PRSS22: variants seen among roughly 807,000 people sequenced by gnomAD.
The protein encoded by PRSS22 is brain-specific serine protease 4.
PRSS22 carries 26 observed loss-of-function variants against 28.0 expected under a neutral mutation model. That is an observed-to-expected ratio of 0.93 (90% confidence interval 0.68 to 1.29). The LOEUF (loss-of-function observed/expected upper bound fraction) is 1.29, where lower values mean the gene tolerates loss of function less well. PRSS22 is among the 50% of genes most tolerant of loss of function. PRSS22 has a pLI of 0.00. For synonymous variants in PRSS22, 217 were observed against 177.9 expected (o/e 1.22, Z -1.75); for missense variants, 444 against 422.1 (o/e 1.05, Z -0.46).
At chr16:2,856,480 G>A (rs1251003944) in intron 2 of PRSS22, among the ~76,000 whole-genome samples, 3 of 133,976 alleles carry the variant, frequency 2.2e-5, no homozygotes, top group Non-Finnish European at 4.8e-5. Context: ...CCACCTCCCC[G>A]TCCCATCCCT....
Position 2,856,218 on chromosome 16 carries a change from G to A in PRSS22, c.145C>T (p.Arg49Trp), listed in dbSNP as rs376369354. The change falls in exon 3 of 6, where the codon CGG (arginine) becomes TGG (tryptophan). Residue 49 changes from arginine (R) to tryptophan (W), a missense_variant. Physicochemically the swap from Arg to Trp is moderately radical, Grantham distance 101. Coordinates refer to ENST00000161006, the MANE Select transcript of PRSS22 (RefSeq NM_022119.4). ...GTGCTGTCCTCGCCGCCCACAACCC[G>A]GTTCAGCTGCTGGGGCTTCCCACAG... is the stretch of plus-strand genomic sequence containing the variant. Reference protein sequence around the residue: ...PACGKPQQLNRVVGGEDSTDS... With the variant: ...PACGKPQQLNWVVGGEDSTDS... The A allele has an allele frequency of 3.1e-5, 50 of 1,613,504 alleles. No homozygotes were observed. The highest frequency in any genetic ancestry group is 4.1e-5 in the Non-Finnish European group (48 of 1,179,922).
rs768202135 is a variant in PRSS22 at position 2,853,124 on chromosome 16, C to G, written c.923G>C (p.Ser308Thr). The G allele has an allele frequency of 6.3e-7, 1 of 1,595,854 alleles. No homozygotes were observed. Among genetic ancestry groups the G allele is most frequent in the South Asian group, 1.1e-5 (1 of 90,826 alleles). Residue 308 changes from serine (S) to threonine (T), a missense_variant, in exon 6 of 6, where the codon AGC becomes ACC. Transcript: ENST00000161006. This position sits in a 1 kb window ranked among gnomAD's most constrained non-coding sequence, Gnocchi z 4.6. ...GCGCGCGGCGGCCCCAGAGCCCTGG[C>G]TCGGTGCCCTGAGGGCCCCACCCCC... ...AQGGGALRAP[S>T]QGSGAAARS
At chr16:2,854,901 G>T (rs1465182108) in intron 4 of PRSS22, among the ~76,000 whole-genome samples, 2 of 151,974 alleles carry the variant, frequency 1.3e-5, no homozygotes, top group Non-Finnish European at 2.9e-5. Flanking sequence ...ACCACCAGGG[G>T]GTGCCTGTTC....
At position 2,856,182 on chromosome 16, in the gene PRSS22, A is replaced by C; in HGVS notation, c.181T>G (p.Trp61Gly). 1 of 1,613,592 alleles carries C rather than the reference A, an allele frequency of 6.2e-7. No homozygotes were observed. Among genetic ancestry groups the C allele is most frequent in the Non-Finnish European group, 8.5e-7 (1 of 1,179,908 alleles). The change falls in exon 3 of 6, where the codon TGG (tryptophan) becomes GGG (glycine). Residue 61 changes from tryptophan to glycine, a missense_variant. Coordinates refer to ENST00000161006, the MANE Select transcript of PRSS22 (RefSeq NM_022119.4). The stretch of plus-strand genomic sequence containing the variant: ...TTCTGGATGCTCACGATCCAGGGCC[A>C]CTCGCTGTCAGTGCTGTCCTCGCCG... The part of the protein sequence containing the change: ...VGGEDSTDSE[W>G]PWIVSIQKNG...
In PRSS22 at chr16:2,854,000, G is replaced by A; in HGVS notation, c.582C>T (p.Thr194=). 1.2e-6 allele frequency: 2 copies of A among 1,614,200 alleles called. No homozygotes were observed. The highest frequency in any genetic ancestry group is 1.7e-6 in the Non-Finnish European group (2 of 1,180,044). Residue 194 remains threonine (T), a synonymous_variant, in exon 5 of 6, where the codon ACC becomes ACT. Transcript: ENST00000161006. The surrounding 1 kb of genome is among the most constrained non-coding windows in gnomAD (Gnocchi z 4.6). ...TGATAGGAACCTTCAGCTTCTGCAG[G>A]GTCTGAGGGTGGGGCAAGGGAACTG... is the stretch of plus-strand genomic sequence containing the variant. ...QDGVPLPHPQ[T]LQKLKVPIID... is the part of the protein sequence containing the mutation.
intron 4 of PRSS22, chr16:2,854,283 G>A: frequency 4.6e-6 from 2 of 439,168 alleles, no homozygotes; most frequent in East Asian, 3.9e-5. Flanking sequence ...GATGGTTAGA[G>A]CCCTTCCTGT....
chr16:2,855,895 G>T, intron 3 of PRSS22, 44 bp from the exon 4 acceptor site: 1 of 1,586,824 alleles, frequency 6.3e-7, no homozygotes, highest in East Asian at 2.2e-5. Context: ...CCTGGTCTGG[G>T]AGGAGGTACC....
At chr16:2,856,394 T>C in intron 2 of PRSS22, 141 bp from the exon 3 acceptor site, 1 of 837,530 alleles carries the variant, frequency 1.2e-6, no homozygotes, top group Non-Finnish European at 1.9e-6. Flanking sequence ...ATCCCAAGTT[T>C]CACTTGCACT....
chr16:2,853,823 G>C lies in PRSS22; in HGVS notation c.717+42C>G. On this transcript the variant is annotated intron_variant, in intron 5 of 5. Transcript: ENST00000161006. This position sits in a 1 kb window ranked among gnomAD's most constrained non-coding sequence, Gnocchi z 4.6. ...ACAGGACTGACGCTGGCTCCTTCCC[G>C]AGGCCCTCCTGGCCAGGGGTGGGGG... 6.2e-7 allele frequency: 1 copy of C among 1,607,016 alleles called. No individual in the cohort carries two copies. The highest frequency in any genetic ancestry group is 2.2e-5 in the East Asian group (1 of 44,816).
intron 1 of PRSS22, 27 bp downstream of exon 1, chr16:2,857,996 G>A: frequency 1.6e-6 from 2 of 1,264,416 alleles, no homozygotes; most frequent in Non-Finnish European, 2.0e-6. Context: ...GTGAGAGGGA[G>A]GAGGGAGGAG....
rs2069453459 is a variant in PRSS22, at chr16:2,856,121, G to A, written c.242C>T (p.Thr81Ile). ...GTHHCAGSLL[T>I]SRWVITAAHC... ...GGCAGCAGTGATCACCCAGCGGCTGGTGAGCAGAGAACCTGCGCAGTGGTG... is the reference window on the plus strand; with the variant it reads ...GGCAGCAGTGATCACCCAGCGGCTGATGAGCAGAGAACCTGCGCAGTGGTG... The change falls in exon 3 of 6, where the codon ACC (threonine) becomes ATC (isoleucine). Residue 81 changes from threonine to isoleucine, a missense_variant. Physicochemically the swap from Thr to Ile is moderately conservative, Grantham distance 89. Transcript: ENST00000161006. The A allele has an allele frequency of 1.9e-6, 3 of 1,613,840 alleles. No homozygotes were observed. Among genetic ancestry groups the A allele is most frequent in the Non-Finnish European group, 1.7e-6 (2 of 1,179,962 alleles).
chr16:2,856,437 CA>C (rs376724365), intron 2 of PRSS22, among the ~76,000 whole-genome samples, 184 bp from the exon 3 acceptor site: 18 of 152,154 alleles, frequency 1.2e-4, no homozygotes, highest in African/African-American at 3.6e-4. Context: ...GCTCCACCCA[CA>C]TCCTAAGCTC....
At chr16:2,856,037 C>T (rs746684615) in intron 3 of PRSS22, 45 bp downstream of exon 3, 5 of 1,600,674 alleles carry the variant, frequency 3.1e-6, no homozygotes, top group Non-Finnish European at 4.3e-6. Flanking sequence ...GGGCACAAAG[C>T]CCAGGGCCTT....
chr16:2,855,729 T>C lies in PRSS22; in HGVS notation c.404A>G (p.Lys135Arg). 6.2e-7 allele frequency: 1 copy of C among 1,614,176 alleles called. No homozygotes were observed. Among genetic ancestry groups the C allele is most frequent in the Admixed American group, 1.7e-5 (1 of 60,014 alleles). ...GGCAATGTCTGCACAGGCACCTTCC[T>C]TCCAGGAATACACAGGGTGGGGCTC... ...WVEPHPVYSW[K>R]EGACADIALV... Residue 135 changes from lysine (K) to arginine (R), a missense_variant, in exon 4 of 6, where the codon AAG (lysine) becomes AGG (arginine). By Grantham distance (26) the Lys-to-Arg change is conservative. Coordinates refer to ENST00000161006, the MANE Select transcript of PRSS22 (RefSeq NM_022119.4).
Position 2,856,092 on chromosome 16 carries a change from A to G in PRSS22, c.271T>C (p.Cys91Arg), listed in dbSNP as rs780881542. Residue 91 changes from cysteine (C) to arginine (R), a missense_variant, in exon 3 of 6, where the codon TGT becomes CGT. Coordinates refer to ENST00000161006, the MANE Select transcript of PRSS22 (RefSeq NM_022119.4). ...TSRWVITAAH[C>R]FKDNLNKPYL... ...GCCGGCTGTACATACTCCTTGAAAC[A>G]GTGGGCAGCAGTGATCACCCAGCGG... 2 of 1,613,866 alleles carry G rather than the reference A, an allele frequency of 1.2e-6. No homozygotes were observed. Among genetic ancestry groups the G allele is most frequent in the South Asian group, 1.1e-5 (1 of 91,074 alleles).
At chr16:2,855,890 T>C (rs1428670339) in intron 3 of PRSS22, 39 bp from the exon 4 acceptor site, 9 of 1,590,682 alleles carry the variant, frequency 5.7e-6, no homozygotes, top group Non-Finnish European at 7.7e-6. Flanking sequence ...CCAGGCCTGG[T>C]CTGGGAGGAG....
chr16:2,854,086 C>G, intron 4 of PRSS22, 64 bp from the exon 5 acceptor site: 1 of 1,569,090 alleles, frequency 6.4e-7, no homozygotes, highest in Non-Finnish European at 8.7e-7. Context: ...CCTCAAAGGA[C>G]TATTCCCCCC....
rs556525217 is a variant in PRSS22 at position 2,857,833 on chromosome 16, G to T, written c.82+190C>A. 2.6e-5 allele frequency: 11 copies of T among 423,116 alleles called. No homozygotes were observed. The South Asian group carries it at 4.0e-4, about 15-fold the overall frequency. The allele number at this position is 423,116 out of a possible 1,614,324, so 26.2% of individuals were successfully genotyped here. The stretch of plus-strand genomic sequence containing the variant: ...GACCGAGGCGCGCTGCGTACTTGCT[G>T]CGTTTTCTGTTTCATCCTCACAGCC... On this transcript the variant is annotated intron_variant, in intron 1 of 5. Transcript: ENST00000161006.
rs183347636 is a variant in PRSS22, at chr16:2,853,372, G to A, written c.718-43C>T. The A allele has an allele frequency of 2.0e-6, 3 of 1,522,106 alleles. No individual in the cohort carries two copies. In the South Asian group the frequency reaches 3.5e-5, roughly 18 times the overall value. The allele number at this position is 1,522,106 out of a possible 1,614,324, so 94.3% of individuals were successfully genotyped here. A position where few individuals can be genotyped will look rare whatever the true frequency, so the allele number is the denominator to read the frequency against. On this transcript the variant is annotated intron_variant, in intron 5 of 5. Transcript: ENST00000161006. This position sits in a 1 kb window ranked among gnomAD's most constrained non-coding sequence, Gnocchi z 4.6. ...GGTTAGGAACCCCCGTGGCACAGGG[G>A]GTGGCAGAATCCAGGGCCCGTGCCC...
Sources: allele counts gnomAD v4.1 joint callset (sites outside exome capture counted in the v4.1 genomes callset), GRCh38; gene constraint gnomAD v4.1.1; non-coding constraint Gnocchi (gnomAD v3.1); transcripts MANE v1.5; gene names NCBI Gene and HGNC (gene_info 2026-07-23, HGNC 2026-07-21).